SNTG1: variants seen among roughly 807,000 people sequenced by gnomAD.
The protein encoded by SNTG1 is syntrophin gamma 1, also known as gamma-1-syntrophin.
SNTG1 carries 39 observed loss-of-function variants against 74.7 expected under a neutral mutation model. That is an observed-to-expected ratio of 0.52 (90% CI 0.40 to 0.68). The LOEUF (loss-of-function observed/expected upper bound fraction) is 0.68, where lower values mean the gene tolerates loss of function less well. SNTG1 is among the 30% of genes least tolerant of loss of function. The probability of loss-of-function intolerance (pLI) is 0.00; values close to 1 mark genes in which losing one functional copy is unlikely to be tolerated. For missense variants in SNTG1, 685 were observed against 609.5 expected, an observed-to-expected ratio of 1.12 and a Z score of -1.30; for synonymous variants, 254 against 217.1, an observed-to-expected ratio of 1.17 and a Z score of -1.49.
At chr8:50,433,013 C>T (rs968698016) in intron 4 of SNTG1, among the ~76,000 whole-genome samples, 14 of 152,114 alleles carry the variant, frequency 9.2e-5, no homozygotes, top group African/African-American at 3.1e-4. Context: ...TGGTCTCGAA[C>T]TCCTGACCTC....
intron 18 of SNTG1, among the ~76,000 whole-genome samples, chr8:50,761,897 G>T (rs62518763): frequency 0.022 from 3,325 of 152,020 alleles, 72 homozygotes; most frequent in Non-Finnish European, 0.028. Flanking sequence ...TGTAAGAAGT[G>T]TTAAATAATC....
At chr8:50,085,507 G>A (rs912571003) in intron 1 of SNTG1, among the ~76,000 whole-genome samples, 1 of 152,194 alleles carries the variant, frequency 6.6e-6, no homozygotes, top group Non-Finnish European at 1.5e-5. Context: ...AAGGCTCTAT[G>A]CACAGTGTAA....
At chr8:50,734,398 T>C (rs2095520322) in intron 17 of SNTG1, among the ~76,000 whole-genome samples, 1 of 151,688 alleles carries the variant, frequency 6.6e-6, no homozygotes, top group Non-Finnish European at 1.5e-5. Context: ...AAATATCTGT[T>C]GAATAAATAA....
intron 18 of SNTG1, among the ~76,000 whole-genome samples, chr8:50,792,342 A>G (rs2095693403): frequency 6.6e-6 from 1 of 151,916 alleles, no homozygotes; most frequent in African/African-American, 2.4e-5. Flanking sequence ...AAATACTTTT[A>G]AAAGTACTTC....
At chr8:50,190,319 TGAG>T (rs1220689467) in intron 2 of SNTG1, among the ~76,000 whole-genome samples, 3 of 152,172 alleles carry the variant, frequency 2.0e-5, no homozygotes, top group African/African-American at 7.2e-5. Context: ...CTCCCTGGAT[TGAG>T]GAGAACAGTC....
At chr8:50,657,898 T>C (rs2095193549) in intron 14 of SNTG1, among the ~76,000 whole-genome samples, 2 of 152,132 alleles carry the variant, frequency 1.3e-5, no homozygotes, top group Non-Finnish European at 2.9e-5. Flanking sequence ...AAATATTTAT[T>C]GAATATAAAT....
chr8:50,460,931 T>G (rs2093555446), intron 8 of SNTG1, among the ~76,000 whole-genome samples: 1 of 152,188 alleles, frequency 6.6e-6, no homozygotes, highest in Non-Finnish European at 1.5e-5. Flanking sequence ...TATGAAATTA[T>G]TACTAATATA....
intron 2 of SNTG1, among the ~76,000 whole-genome samples, chr8:50,376,756 T>TATATATATATATATATATAGAGAGAGAG (rs1381048539): frequency 3.3e-5 from 3 of 89,984 alleles, no homozygotes; most frequent in Non-Finnish European, 4.5e-5. Context: ...TATATATATA[T>TATATATATATATATATATAGAGAGAGAG]AGAGAGAGAG....
intron 2 of SNTG1, among the ~76,000 whole-genome samples, chr8:50,207,720 T>C (rs1321383760): frequency 1.3e-5 from 2 of 152,214 alleles, no homozygotes; most frequent in Non-Finnish European, 1.5e-5. Context: ...TACATTTCCC[T>C]CTACACACTG....
At chr8:50,735,380 G>A (rs934818399) in intron 17 of SNTG1, among the ~76,000 whole-genome samples, 2 of 151,768 alleles carry the variant, frequency 1.3e-5, no homozygotes, top group African/African-American at 4.8e-5. Flanking sequence ...CTTGAAAACA[G>A]GTTAGAGGAA....
At chr8:50,748,719 T>C (rs1030594434) in intron 17 of SNTG1, among the ~76,000 whole-genome samples, 3 of 152,050 alleles carry the variant, frequency 2.0e-5, no homozygotes, top group Non-Finnish European at 4.4e-5. Context: ...TTAAATTACA[T>C]TTGTTATGGT....
At chr8:50,620,769 A>G (rs1168272958) in intron 13 of SNTG1, among the ~76,000 whole-genome samples, 1 of 152,130 alleles carries the variant, frequency 6.6e-6, no homozygotes, top group Non-Finnish European at 1.5e-5. Flanking sequence ...GTCTCACTCA[A>G]GGAGTTATCT....
chr8:50,393,445 T>A (rs2092688164), intron 2 of SNTG1, among the ~76,000 whole-genome samples: 1 of 152,212 alleles, frequency 6.6e-6, no homozygotes, highest in South Asian at 2.1e-4. Context: ...TGACGTCTCA[T>A]TTACTTATCC....
intron 18 of SNTG1, among the ~76,000 whole-genome samples, chr8:50,781,162 GA>G (rs1192698807): frequency 6.6e-6 from 1 of 151,884 alleles, no homozygotes; most frequent in Non-Finnish European, 1.5e-5. Context: ...GTATGTTGCT[GA>G]AAAAAATGTA....
At chr8:50,434,976 A>G (rs2093285744) in intron 4 of SNTG1, among the ~76,000 whole-genome samples, 1 of 152,064 alleles carries the variant, frequency 6.6e-6, no homozygotes, top group Non-Finnish European at 1.5e-5. Flanking sequence ...AATACCTGAG[A>G]TATGTGATGC....
chr8:50,100,405 A>G (rs1386750598), intron 1 of SNTG1, among the ~76,000 whole-genome samples: 4 of 152,054 alleles, frequency 2.6e-5, no homozygotes, highest in African/African-American at 7.2e-5. Context: ...TATACTTTCA[A>G]ACTGCTAAAG....
At chr8:50,719,140 C>A (rs1453300066) in intron 17 of SNTG1, among the ~76,000 whole-genome samples, 1 of 152,052 alleles carries the variant, frequency 6.6e-6, no homozygotes. Context: ...GCAACAATAA[C>A]AAGTTAAACA....
intron 9 of SNTG1, 32 bp downstream of exon 9, chr8:50,502,912 T>C: frequency 6.7e-7 from 1 of 1,495,162 alleles, no homozygotes; most frequent in Non-Finnish European, 9.3e-7. Context: ...ATAAAAGTGC[T>C]CACATCATTA....
Position 50,260,760 on chromosome 8 carries a change from AC to A in SNTG1, c.-28+88126del, listed in dbSNP as rs1263844174. Among the ~76,000 whole-genome samples, 70 of 151,090 alleles carry A rather than the reference AC, an allele frequency of 4.6e-4. 2 individuals are homozygous for A. The highest frequency in any genetic ancestry group is 1.4e-3 in the African/African-American group (57 of 41,082). On this transcript the variant is annotated intron_variant, in intron 2 of 18. Transcript: ENST00000642720. ...AAATAGCAATTCTAAAAAAAAAAAAACAATTAAAAAGAAAAGCAAGAAATTA... is the reference window on the plus strand; with the variant it reads ...AAATAGCAATTCTAAAAAAAAAAAAAAATTAAAAAGAAAAGCAAGAAATTA...
Sources: allele counts gnomAD v4.1 joint callset (sites outside exome capture counted in the v4.1 genomes callset), GRCh38; gene constraint gnomAD v4.1.1; transcripts MANE v1.5; gene names NCBI Gene and HGNC (gene_info 2026-07-23, HGNC 2026-07-21).